Variants in MLPH observed in about 807,000 individuals in gnomAD.
MLPH encodes the protein melanophilin, also known as exophilin-3.
In MLPH, 51 loss-of-function variants were observed where a neutral mutation model predicts 72.1. The observed-to-expected ratio is 0.71, with a 90% CI of 0.56 to 0.89. MLPH has a LOEUF of 0.89. MLPH is among the 40% of genes least tolerant of loss of function. MLPH has a pLI of 0.00. For synonymous variants in MLPH, 301 were observed against 310.1 expected (o/e 0.97, Z 0.31); for missense variants, 743 against 759.9 (o/e 0.98, Z 0.26).
intron 8 of MLPH, among the ~76,000 whole-genome samples, chr2:237,532,891 T>A (rs563456605): frequency 8.5e-5 from 13 of 152,334 alleles, no homozygotes; most frequent in Non-Finnish European, 1.5e-4. Flanking sequence ...CAAACCAGAA[T>A]ATGGCACGTG....
chr2:237,541,088 C>T lies in MLPH; in HGVS notation c.1446+131C>T, dbSNP rs889234316. The T allele has an allele frequency of 6.9e-5, 88 of 1,266,854 alleles. No homozygotes were observed. Among genetic ancestry groups the T allele is most frequent in the Non-Finnish European group, 8.6e-5 (77 of 892,322 alleles). The allele number at this position is 1,266,854 out of a possible 1,614,324, so 78.5% of individuals were successfully genotyped here. A position where few individuals can be genotyped will look rare whatever the true frequency, so the allele number is the denominator to read the frequency against. ...GCCCTCCCCATTGGCCCAGCATGCACGGCTCTGAAGGCCAGGCATGAACCT... is the reference window on the plus strand; with the variant it reads ...GCCCTCCCCATTGGCCCAGCATGCATGGCTCTGAAGGCCAGGCATGAACCT... On this transcript the variant is annotated intron_variant, in intron 11 of 15. Coordinates refer to ENST00000264605, the MANE Select transcript of MLPH (RefSeq NM_024101.7). The surrounding 1 kb of genome is among the most constrained non-coding windows in gnomAD (Gnocchi z 5.1).
intron 2 of MLPH, among the ~76,000 whole-genome samples, chr2:237,501,895 G>C (rs1290236598): frequency 6.6e-6 from 1 of 151,984 alleles, no homozygotes; most frequent in East Asian, 1.9e-4. Context: ...AAACTTTTCC[G>C]CTCATCTCCA....
rs1185772232 is a variant in MLPH at position 237,505,319 on chromosome 2, G to C, written c.111-5255G>C. On this transcript the variant is annotated intron_variant, in intron 2 of 15. Coordinates refer to ENST00000264605, the MANE Select transcript of MLPH (RefSeq NM_024101.7). The surrounding 1 kb of genome is among the most constrained non-coding windows in gnomAD (Gnocchi z 4.5). Reference sequence around the variant, plus strand: ...CCCAGCCACATACCCACGTGCTGTGGCCTCTTCCACCAACCCCAAGCCTCT... The same window carrying C: ...CCCAGCCACATACCCACGTGCTGTGCCCTCTTCCACCAACCCCAAGCCTCT... Among the ~76,000 whole-genome samples the C allele has an allele frequency of 6.6e-6, 1 of 152,110 alleles. No individual in the cohort carries two copies. Among genetic ancestry groups the C allele is most frequent in the Non-Finnish European group, 1.5e-5 (1 of 68,000 alleles).
chr2:237,548,864 G>A (rs2080975357), intron 13 of MLPH, among the ~76,000 whole-genome samples: 2 of 152,196 alleles, frequency 1.3e-5, no homozygotes, highest in African/African-American at 4.8e-5. Flanking sequence ...GGGTGACAGA[G>A]CGAGACTCCA....
rs114815239 is a variant in MLPH at position 237,545,315 on chromosome 2, C to T, written c.1540-1291C>T. The T allele has an allele frequency of 2.5e-3, 1,469 of 589,632 alleles. 23 individuals carry two copies. In the African/African-American group the frequency reaches 0.027, roughly 11 times the overall value. 36.5% of individuals were successfully genotyped at this position (589,632 alleles called of 1,614,324 possible). On this transcript the variant is annotated intron_variant, in intron 12 of 15. Coordinates refer to ENST00000264605, the MANE Select transcript of MLPH (RefSeq NM_024101.7). The stretch of plus-strand genomic sequence containing the variant: ...GGCCTCCCCACAGCACACACGCCAC[C>T]GTGGGCCTGACAGCAGGATCCTGGG...
At chr2:237,492,240 A>G (rs2079442335) in intron 1 of MLPH, among the ~76,000 whole-genome samples, 1 of 152,210 alleles carries the variant, frequency 6.6e-6, no homozygotes, top group Non-Finnish European at 1.5e-5. Context: ...AACTTCAAAA[A>G]AAAAGGGCAT....
chr2:237,519,579 G>C (rs2080131918), intron 5 of MLPH, among the ~76,000 whole-genome samples: 1 of 152,188 alleles, frequency 6.6e-6, no homozygotes, highest in African/African-American at 2.4e-5. Flanking sequence ...CCCTCTCCCA[G>C]CCCTGGAACA....
At chr2:237,495,738 G>A (rs1233749559) in intron 2 of MLPH, among the ~76,000 whole-genome samples, 1 of 152,112 alleles carries the variant, frequency 6.6e-6, no homozygotes, top group Non-Finnish European at 1.5e-5. Context: ...TTTCACCACC[G>A]GCCTCGGGGG....
chr2:237,552,522 A>G (rs555302471), intron 15 of MLPH, 85 bp downstream of exon 15: 8 of 1,131,558 alleles, frequency 7.1e-6, no homozygotes, highest in Non-Finnish European at 1.1e-5. Context: ...CTTCAGAGCA[A>G]AGAAAATGGA....
chr2:237,511,806 A>G lies in MLPH; in HGVS notation c.445+705A>G, dbSNP rs116688398. Among the ~76,000 whole-genome samples the G allele has an allele frequency of 9.1e-3, 1,393 of 152,358 alleles. 17 individuals are homozygous for G. Among genetic ancestry groups the G allele is most frequent in the African/African-American group, 0.032 (1,316 of 41,574 alleles). On this transcript the variant is annotated intron_variant, in intron 4 of 15. Coordinates refer to ENST00000264605, the MANE Select transcript of MLPH (RefSeq NM_024101.7). ...AAATCCAGGCAGTAGGCTTAAACTA[A>G]ACAATGTGTTCGCCTGTAAGATCCC...
Position 237,493,441 on chromosome 2 carries a change from G to A in MLPH, c.15G>A (p.Leu5=). 6.2e-7 allele frequency: 1 copy of A among 1,613,920 alleles called. No homozygotes were observed. The highest frequency in any genetic ancestry group is 8.5e-7 in the Non-Finnish European group (1 of 1,179,848). Residue 5 remains leucine, a synonymous_variant, in exon 2 of 16, where the codon CTG becomes CTA. Transcript: ENST00000264605. ...AAGAAGCAGAAATGGGGAAGAAACT[G>A]GATCTTTCCAAGCTCACTGATGAAG... MGKK[L]DLSKLTDEEA...
chr2:237,505,461 C>T lies in MLPH; in HGVS notation c.111-5113C>T, dbSNP rs913903243. 6.6e-6 allele frequency among the ~76,000 whole-genome samples: 1 copy of T among 152,192 alleles called. No individual in the cohort carries two copies. Among genetic ancestry groups the T allele is most frequent in the African/African-American group, 2.4e-5 (1 of 41,442 alleles). On this transcript the variant is annotated intron_variant, in intron 2 of 15. Coordinates refer to ENST00000264605, the MANE Select transcript of MLPH (RefSeq NM_024101.7). This position sits in a 1 kb window ranked among gnomAD's most constrained non-coding sequence, Gnocchi z 4.5. ...CCAACGCAAGTGGAGGCCCACAGGACCCCTCATGCAGGCTCTTCCCCCGCC... is the reference window on the plus strand; with the variant it reads ...CCAACGCAAGTGGAGGCCCACAGGATCCCTCATGCAGGCTCTTCCCCCGCC...
At chr2:237,501,722 G>A (rs1055460839) in intron 2 of MLPH, among the ~76,000 whole-genome samples, 1 of 150,278 alleles carries the variant, frequency 6.7e-6, no homozygotes, top group Non-Finnish European at 1.5e-5. Context: ...GGTGGCAGGT[G>A]CCTGTAATCC....
At chr2:237,532,590 G>C (rs763616040) in intron 8 of MLPH, among the ~76,000 whole-genome samples, 2 of 152,242 alleles carry the variant, frequency 1.3e-5, no homozygotes, top group Non-Finnish European at 2.9e-5. Context: ...TCCCTAGCTA[G>C]TGTCTGTATT....
In MLPH at chr2:237,527,523, G is replaced by A. The variant is rs187574560; in HGVS notation, c.1020+7G>A. ...GGCGTCTTCTGAGAGTCAGGTAACG[G>A]TGGCTGGAAAGACTTCTGTCTTGTC... On this transcript the variant is annotated splice_region_variant and intron_variant, in intron 8 of 15. Coordinates refer to ENST00000264605, the MANE Select transcript of MLPH (RefSeq NM_024101.7). 8.8e-5 allele frequency: 142 copies of A among 1,614,150 alleles called. 1 individual carries two copies. In the African/African-American group the frequency reaches 1.7e-3, roughly 20 times the overall value.
At chr2:237,518,291 A>T in intron 4 of MLPH, 13 of 590,902 alleles carry the variant, frequency 2.2e-5, no homozygotes, top group Non-Finnish European at 3.1e-6. Context: ...GAGTAGGTGG[A>T]TGAGTGGATA....
intron 8 of MLPH, among the ~76,000 whole-genome samples, chr2:237,527,838 T>G (rs1979763): frequency 0.11 from 16,891 of 152,220 alleles, 2,766 homozygotes; most frequent in African/African-American, 0.36. Context: ...CCCGTATCCA[T>G]AGCAGCGTTA....
In MLPH at chr2:237,541,059, C is replaced by G; in HGVS notation, c.1446+102C>G. 7.0e-7 allele frequency: 1 copy of G among 1,434,662 alleles called. No homozygotes were observed. The highest frequency in any genetic ancestry group is 1.2e-5 in the South Asian group (1 of 81,048). The allele number at this position is 1,434,662 out of a possible 1,614,324, so 88.9% of individuals were successfully genotyped here. A position where few individuals can be genotyped will look rare whatever the true frequency, so the allele number is the denominator to read the frequency against. ...CAGCTCTAACATCCGCCAGCTCACA[C>G]TGAGCCCTCCCCATTGGCCCAGCAT... On this transcript the variant is annotated intron_variant, in intron 11 of 15. Coordinates refer to ENST00000264605, the MANE Select transcript of MLPH (RefSeq NM_024101.7). The surrounding 1 kb of genome is among the most constrained non-coding windows in gnomAD (Gnocchi z 5.1).
At chr2:237,538,498 G>A (rs1333914810) in intron 9 of MLPH, among the ~76,000 whole-genome samples, 1 of 152,174 alleles carries the variant, frequency 6.6e-6, no homozygotes. Context: ...GGGTAACCAG[G>A]AGCTGCCCTC....
Sources: gnomAD v4.1 joint callset for allele counts (sites outside exome capture counted in the v4.1 genomes callset) on GRCh38, gnomAD v4.1.1 for gene constraint, Gnocchi (gnomAD v3.1) non-coding constraint, MANE v1.5 for transcripts, NCBI Gene and HGNC (gene_info 2026-07-23, HGNC 2026-07-21) for gene names.